CADPS: variants seen among roughly 807,000 people sequenced by gnomAD.
CADPS encodes calcium-dependent secretion activator 1.
CADPS carries 57 observed loss-of-function variants against 167.3 expected under a neutral mutation model. The ratio of observed to expected loss-of-function variants is 0.34; its 90% CI spans 0.28 to 0.42. CADPS has a LOEUF of 0.42. Ranked by LOEUF, CADPS falls within the 20% of genes least tolerant of loss-of-function variation. The probability of loss-of-function intolerance (pLI) is 1.00; values close to 1 mark genes in which losing one functional copy is unlikely to be tolerated. For missense variants in CADPS, 1,414 were observed against 1,738.1 expected (o/e 0.81, Z 3.32); for synonymous variants, 676 against 635.3 (o/e 1.06, Z -0.96).
intron 1 of CADPS, among the ~76,000 whole-genome samples, chr3:62,854,900 AT>A (rs1236387557): frequency 6.6e-6 from 1 of 152,036 alleles, no homozygotes; most frequent in African/African-American, 2.4e-5. Context: ...GGAAATATGT[AT>A]TCAATACAAA....
intron 3 of CADPS, among the ~76,000 whole-genome samples, chr3:62,668,093 A>C (rs2074815114): frequency 6.6e-6 from 1 of 152,212 alleles, no homozygotes; most frequent in African/African-American, 2.4e-5. Flanking sequence ...CAAAGTCATC[A>C]GTGTCGCTGC....
chr3:62,537,204 C>T (rs1000408328), intron 11 of CADPS, among the ~76,000 whole-genome samples: 1 of 152,110 alleles, frequency 6.6e-6, no homozygotes, highest in African/African-American at 2.4e-5. Context: ...AAATAAAGGA[C>T]ATTTCCTTAT....
At chr3:62,799,165 G>C (rs955786625) in intron 1 of CADPS, among the ~76,000 whole-genome samples, 1 of 152,128 alleles carries the variant, frequency 6.6e-6, no homozygotes, top group African/African-American at 2.4e-5. Flanking sequence ...TTCACAGATT[G>C]TCCACCACTG....
chr3:62,859,516 C>T (rs529524299), intron 1 of CADPS, among the ~76,000 whole-genome samples: 2 of 152,198 alleles, frequency 1.3e-5, no homozygotes, highest in Non-Finnish European at 2.9e-5. Flanking sequence ...AGAACTGCTG[C>T]TTCGGGGGGA....
chr3:62,516,279 T>G, intron 15 of CADPS, 97 bp from the exon 16 acceptor site: 1 of 1,453,852 alleles, frequency 6.9e-7, no homozygotes, highest in Non-Finnish European at 9.5e-7. Context: ...ATCAGTTCTT[T>G]GTGACTTAAT....
At chr3:62,830,707 A>G (rs1233000470) in intron 1 of CADPS, among the ~76,000 whole-genome samples, 3 of 152,160 alleles carry the variant, frequency 2.0e-5, no homozygotes, top group Non-Finnish European at 4.4e-5. Context: ...CAATGATGTT[A>G]AAACTGTCAC....
chr3:62,525,909 G>A (rs933630396), intron 13 of CADPS, among the ~76,000 whole-genome samples: 16 of 152,146 alleles, frequency 1.1e-4, no homozygotes, highest in Non-Finnish European at 1.8e-4. Flanking sequence ...AATCATTGTG[G>A]TCCAGAGGAG....
At chr3:62,768,309 T>C (rs1382794078) in intron 1 of CADPS, among the ~76,000 whole-genome samples, 1 of 152,200 alleles carries the variant, frequency 6.6e-6, no homozygotes, top group African/African-American at 2.4e-5. Context: ...ACAGGATTTC[T>C]TGCTCAGAAT....
At chr3:62,868,618 C>T (rs1255682620) in intron 1 of CADPS, among the ~76,000 whole-genome samples, 1 of 152,108 alleles carries the variant, frequency 6.6e-6, no homozygotes, top group Non-Finnish European at 1.5e-5. Context: ...CCACAGGCCA[C>T]AGTTTGCAAT....
At chr3:62,518,111 C>T (rs1165516333) in intron 14 of CADPS, 38 bp downstream of exon 14, 5 of 1,407,006 alleles carry the variant, frequency 3.6e-6, no homozygotes, top group Non-Finnish European at 4.0e-6. Context: ...TTCCCACTCT[C>T]ATCTCCTAAT....
At chr3:62,479,119 GTC>G (rs2061654478) in intron 22 of CADPS, among the ~76,000 whole-genome samples, 2 of 152,224 alleles carry the variant, frequency 1.3e-5, no homozygotes, top group African/African-American at 2.4e-5. Context: ...AAGGGATATT[GTC>G]AATGCTTTAG....
At chr3:62,589,391 T>C (rs1013849302) in intron 7 of CADPS, among the ~76,000 whole-genome samples, 2 of 152,180 alleles carry the variant, frequency 1.3e-5, no homozygotes, top group African/African-American at 4.8e-5. Context: ...TCTGGGGGAA[T>C]GTATGAGGGG....
chr3:62,646,544 A>C (rs1009153736), intron 5 of CADPS, among the ~76,000 whole-genome samples: 3 of 152,150 alleles, frequency 2.0e-5, no homozygotes, highest in Non-Finnish European at 2.9e-5. Flanking sequence ...TCATAAATTC[A>C]CTTTTTGCTT....
At chr3:62,843,492 G>GGTGTGTGTGTGTGTGT (rs150223612) in intron 1 of CADPS, among the ~76,000 whole-genome samples, 2,090 of 149,090 alleles carry the variant, frequency 0.014, 23 homozygotes, top group Admixed American at 0.028. Flanking sequence ...TGGCAGTTGG[G>GGTGTGTGTGTGTGTGT]GTGTGTGTGT....
intron 7 of CADPS, among the ~76,000 whole-genome samples, chr3:62,589,883 C>T (rs1406172403): frequency 6.6e-6 from 1 of 152,138 alleles, no homozygotes; most frequent in African/African-American, 2.4e-5. Context: ...GGCCCAGGCA[C>T]AAACACATCT....
chr3:62,781,010 A>T (rs1052511942), intron 1 of CADPS, among the ~76,000 whole-genome samples: 3 of 152,168 alleles, frequency 2.0e-5, no homozygotes, highest in Non-Finnish European at 2.9e-5. Flanking sequence ...TTTTAAAAAG[A>T]TACTATTAGG....
At position 62,875,024 on chromosome 3, in the gene CADPS, C is replaced by G. The variant is rs1255485419; in HGVS notation, c.6G>C (p.Leu2=). M[L]DPSSSEEESD... ...ATTCTTCTTCGCTGGACGAAGGGTC[C>G]AGCATAGTGGCGCCTGGGGAGCGGG... Residue 2 remains leucine, a synonymous_variant, in exon 1 of 30, where the codon CTG becomes CTC. Coordinates refer to ENST00000383710, the MANE Select transcript of CADPS (RefSeq NM_003716.4). The G allele has an allele frequency of 6.3e-7, 1 of 1,591,226 alleles. No homozygotes were observed. Among genetic ancestry groups the G allele is most frequent in the Admixed American group, 1.7e-5 (1 of 58,802 alleles).
chr3:62,843,804 C>T (rs530859750), intron 1 of CADPS, among the ~76,000 whole-genome samples: 37 of 151,802 alleles, frequency 2.4e-4, no homozygotes, highest in African/African-American at 8.2e-4. Flanking sequence ...AATGCAATAT[C>T]CAACTACAAG....
intron 1 of CADPS, among the ~76,000 whole-genome samples, chr3:62,861,517 C>T (rs931721444): frequency 1.3e-5 from 2 of 152,098 alleles, no homozygotes; most frequent in Non-Finnish European, 2.9e-5. Flanking sequence ...TACAAATCTC[C>T]CCACAAAATT....
Sources: allele counts gnomAD v4.1 joint callset (sites outside exome capture counted in the v4.1 genomes callset), GRCh38; gene constraint gnomAD v4.1.1; transcripts MANE v1.5; gene names NCBI Gene and HGNC (gene_info 2026-07-23, HGNC 2026-07-21).